Variants in SPTLC1 observed in about 807,000 individuals in gnomAD.
The protein encoded by SPTLC1 is serine palmitoyltransferase long chain base subunit 1.
Under a neutral mutation model 68.9 loss-of-function variants are expected in SPTLC1, and 55 were observed. That is an observed-to-expected ratio of 0.80 (90% CI 0.64 to 1.00). The LOEUF is 1.00. SPTLC1 is among the 50% of genes least tolerant of loss of function. The probability of loss-of-function intolerance (pLI) is 0.00; values close to 1 mark genes in which losing one functional copy is unlikely to be tolerated. For missense variants in SPTLC1, 449 were observed against 573.1 expected (o/e 0.78, Z 2.21); for synonymous variants, 197 against 201.6 (o/e 0.98, Z 0.19).
rs747158926 is a variant in SPTLC1 at position 92,034,870 on chromosome 9, C to T, written c.1268G>A (p.Ser423Asn). The T allele has an allele frequency of 6.2e-7, 1 of 1,614,122 alleles. No homozygotes were observed. The highest frequency in any genetic ancestry group is 8.5e-7 in the Non-Finnish European group (1 of 1,179,986). Residue 423 changes from serine to asparagine, a missense_variant, in exon 14 of 15, where the codon AGT (serine) becomes AAT (asparagine). Ser to Asn is a conservative substitution (Grantham distance 46). This residue lies in a region of SPTLC1 where 391 missense variants were observed against 472.1 expected (regional missense o/e 0.83). Coordinates refer to ENST00000262554, the MANE Select transcript of SPTLC1 (RefSeq NM_006415.4). ...QEIVDQCMNR[S>N]IALTQARYLE... ...GTAGCGCGCCTGAGTTAATGCAATA[C>T]TTCTGTTCATGCACTGTAGGAAGAA...
At chr9:92,082,750 T>C (rs1208577708) in intron 3 of SPTLC1, among the ~76,000 whole-genome samples, 2 of 152,012 alleles carry the variant, frequency 1.3e-5, no homozygotes, top group African/African-American at 2.4e-5. Context: ...TTTGGGTATA[T>C]ACCCAGTAAT....
chr9:92,071,552 CAA>C (rs1436741811), intron 5 of SPTLC1, among the ~76,000 whole-genome samples: 2 of 152,278 alleles, frequency 1.3e-5, no homozygotes, highest in African/African-American at 4.8e-5. Flanking sequence ...TGATCCTTAG[CAA>C]AGTGTTCTAA....
chr9:92,115,289 G>A (rs372434894), intron 1 of SPTLC1, 25 bp downstream of exon 1: 1 of 1,610,938 alleles, frequency 6.2e-7, no homozygotes, highest in Non-Finnish European at 8.5e-7. Flanking sequence ...GTGTGGTCGC[G>A]GACCGCTAAT....
chr9:92,048,862 C>T (rs1035665223), intron 9 of SPTLC1, among the ~76,000 whole-genome samples: 1 of 152,126 alleles, frequency 6.6e-6, no homozygotes, highest in African/African-American at 2.4e-5. Flanking sequence ...CCAAATAAAG[C>T]CCGTACATTC....
intron 14 of SPTLC1, among the ~76,000 whole-genome samples, chr9:92,033,747 A>G (rs1387062114): frequency 6.6e-6 from 1 of 152,110 alleles, no homozygotes; most frequent in Non-Finnish European, 1.5e-5. Context: ...GGGTTTCACC[A>G]TGTTGCCCAG....
Position 92,032,059 on chromosome 9 carries a change from T to C in SPTLC1, c.*406A>G, listed in dbSNP as rs979003207. On this transcript the variant is annotated 3_prime_UTR_variant, in exon 15 of 15. Transcript: ENST00000262554. ...TTAGCTTTAATGTTGCAGTCATTTT[T>C]CTATGAAATACTAAGGAGTTAAGGA... 1.4e-4 allele frequency: 67 copies of C among 465,614 alleles called. No homozygotes were observed. The highest frequency in any genetic ancestry group is 1.3e-3 in the African/African-American group (66 of 50,616). 28.8% of individuals were successfully genotyped at this position (465,614 alleles called of 1,614,324 possible). A position where few individuals can be genotyped will look rare whatever the true frequency, so the allele number is the denominator to read the frequency against.
At chr9:92,036,597 AG>A (rs1234350352) in intron 13 of SPTLC1, among the ~76,000 whole-genome samples, 3 of 152,246 alleles carry the variant, frequency 2.0e-5, no homozygotes, top group African/African-American at 7.2e-5. Context: ...CAGCGCATGC[AG>A]CTCATGAGCC....
intron 3 of SPTLC1, among the ~76,000 whole-genome samples, chr9:92,100,674 CCT>C (rs2118785014): frequency 6.6e-6 from 1 of 152,120 alleles, no homozygotes; most frequent in South Asian, 2.1e-4. Context: ...TGTACCAACC[CCT>C]GTGACTCAGT....
In SPTLC1 at chr9:92,055,434, T is replaced by C. The variant is rs1447290860; in HGVS notation, c.751A>G (p.Thr251Ala). 2 of 1,613,400 alleles carry C rather than the reference T, an allele frequency of 1.2e-6. No homozygotes were observed. The highest frequency in any genetic ancestry group is 4.5e-5 in the East Asian group (2 of 44,886). The part of the protein sequence containing the change: ...FIVVEGLYMN[T>A]GTICPLPELV... ...TCTGGAAGAGGACAAATAGTTCCAG[T>C]ATTCATATACAATCCTTCTACTACA... Residue 251 changes from threonine to alanine, a missense_variant, in exon 8 of 15, where the codon ACT becomes GCT. By Grantham distance (58) the Thr-to-Ala change is moderately conservative. This residue lies in a region of SPTLC1 where 391 missense variants were observed against 472.1 expected (regional missense o/e 0.83). Transcript: ENST00000262554.
chr9:92,047,769 A>C, intron 9 of SPTLC1, 61 bp from the exon 10 acceptor site: 1 of 1,128,626 alleles, frequency 8.9e-7, no homozygotes, highest in Non-Finnish European at 1.3e-6. Context: ...GGCCAACTTC[A>C]AGCCTAGAGA....
intron 11 of SPTLC1, chr9:92,046,389 G>GATCC (rs1438489948): frequency 8.6e-6 from 2 of 232,264 alleles, no homozygotes; most frequent in Non-Finnish European, 1.7e-5. Context: ...AAACAATTTG[G>GATCC]TAAAAAATCA....
At chr9:92,082,748 T>C (rs1442234122) in intron 3 of SPTLC1, among the ~76,000 whole-genome samples, 4 of 152,150 alleles carry the variant, frequency 2.6e-5, no homozygotes, top group South Asian at 2.1e-4. Flanking sequence ...CATTTGGGTA[T>C]ATACCCAGTA....
intron 8 of SPTLC1, among the ~76,000 whole-genome samples, chr9:92,053,037 A>T (rs1273214915): frequency 1.3e-5 from 2 of 152,038 alleles, no homozygotes; most frequent in Non-Finnish European, 2.9e-5. Context: ...GAATTCTTTT[A>T]AAAACAAAAA....
intron 3 of SPTLC1, among the ~76,000 whole-genome samples, chr9:92,092,643 G>A (rs982563501): frequency 6.6e-6 from 1 of 152,152 alleles, no homozygotes. Flanking sequence ...GCTGAGGCAG[G>A]AGAATGGCTT....
Position 92,068,045 on chromosome 9 carries a change from C to T in SPTLC1, c.481G>A (p.Ala161Thr), listed in dbSNP as rs752795774. ...GCAAATCCATATGAGTATATAATGG[C>T]TTCTTCTGTCTTCATAAATTTTGCC... is the stretch of plus-strand genomic sequence containing the variant. ...RLAKFMKTEE[A>T]IIYSYGFATI... Residue 161 changes from alanine to threonine, a missense_variant, in exon 6 of 15, where the codon GCC becomes ACC. By Grantham distance (58) the Ala-to-Thr change is moderately conservative (BLOSUM62 0). Coordinates refer to ENST00000262554, the MANE Select transcript of SPTLC1 (RefSeq NM_006415.4). 6.2e-7 allele frequency: 1 copy of T among 1,613,878 alleles called. No individual in the cohort carries two copies. Among genetic ancestry groups the T allele is most frequent in the African/African-American group, 1.3e-5 (1 of 74,920 alleles).
chr9:92,111,618 T>C (rs1836248524), intron 2 of SPTLC1: 1 of 152,160 alleles, frequency 6.6e-6, no homozygotes. Context: ...CCCTTCCTCA[T>C]ACTATCCTTA....
chr9:92,105,596 C>T (rs2118811124), intron 3 of SPTLC1: 1 of 520,840 alleles, frequency 1.9e-6, no homozygotes, highest in Non-Finnish European at 3.4e-6. Context: ...GCGCCTCTGC[C>T]CAGCCGCCCC....
At chr9:92,069,449 C>A (rs547359534) in intron 5 of SPTLC1, among the ~76,000 whole-genome samples, 17 of 152,264 alleles carry the variant, frequency 1.1e-4, no homozygotes, top group African/African-American at 4.1e-4. Flanking sequence ...TTTACAACAA[C>A]ACACAGAGTT....
At chr9:92,049,300 A>C (rs1465336328) in intron 9 of SPTLC1, among the ~76,000 whole-genome samples, 1 of 152,198 alleles carries the variant, frequency 6.6e-6, no homozygotes, top group Non-Finnish European at 1.5e-5. Context: ...AACTCTTCCC[A>C]TGGTGGTTGG....
Sources: allele counts gnomAD v4.1 joint callset (sites outside exome capture counted in the v4.1 genomes callset), GRCh38; gene constraint gnomAD v4.1.1; regional missense constraint gnomAD v4.1.1; transcripts MANE v1.5; gene names NCBI Gene and HGNC (gene_info 2026-07-23, HGNC 2026-07-21).